GTF2IRD1: variants seen among roughly 807,000 people sequenced by gnomAD.
The protein encoded by GTF2IRD1 is general transcription factor II-I repeat domain-containing protein 1.
A neutral mutation model predicts 113.2 loss-of-function variants in GTF2IRD1; 26 were observed. The ratio of observed to expected loss-of-function variants is 0.23; its 90% CI spans 0.17 to 0.32. GTF2IRD1 has a LOEUF of 0.32. GTF2IRD1 is among the 10% of genes least tolerant of loss of function. GTF2IRD1 has a pLI of 1.00. For synonymous variants in GTF2IRD1, 484 were observed against 529.1 expected, an observed-to-expected ratio of 0.91 and a Z score of 1.17; for missense variants, 864 against 1,280.8, an observed-to-expected ratio of 0.67 and a Z score of 4.97.
chr7:74,464,188 AG>A (rs1793569500), intron 1 of GTF2IRD1, among the ~76,000 whole-genome samples: 1 of 152,212 alleles, frequency 6.6e-6, no homozygotes. Flanking sequence ...TACGGACTCC[AG>A]CCTGTCACTT....
At chr7:74,597,597 C>G (rs1226861045) in intron 25 of GTF2IRD1, among the ~76,000 whole-genome samples, 1 of 150,812 alleles carries the variant, frequency 6.6e-6, no homozygotes, top group African/African-American at 2.4e-5. Context: ...TCTTCCCACC[C>G]CAGCATCCCA....
At chr7:74,561,049 G>T (rs1407848360) in intron 22 of GTF2IRD1, among the ~76,000 whole-genome samples, 1 of 152,078 alleles carries the variant, frequency 6.6e-6, no homozygotes, top group Non-Finnish European at 1.5e-5. Context: ...CTAAGGGCTG[G>T]CCAGAGCCTC....
At chr7:74,576,054 G>A (rs587765235) in intron 22 of GTF2IRD1, among the ~76,000 whole-genome samples, 5 of 152,120 alleles carry the variant, frequency 3.3e-5, no homozygotes, top group African/African-American at 1.2e-4. Context: ...CCAGCTACTA[G>A]GGAGGCTGAG....
At chr7:74,589,270 C>T (rs1801910852) in intron 22 of GTF2IRD1, among the ~76,000 whole-genome samples, 1 of 151,880 alleles carries the variant, frequency 6.6e-6, no homozygotes. Flanking sequence ...GTGGGAGGAT[C>T]ACTTGAGCCT....
intron 6 of GTF2IRD1, among the ~76,000 whole-genome samples, chr7:74,520,271 GGGAAGTAGGTCCT>G (rs1237076167): frequency 2.6e-5 from 4 of 151,936 alleles, no homozygotes; most frequent in Admixed American, 6.6e-5. Context: ...AGGGCACTGG[GGGAAGTAGGTCCT>G]GGAAGTAGGT....
At chr7:74,503,131 CACT>C (rs2129904043) in intron 1 of GTF2IRD1, among the ~76,000 whole-genome samples, 2 of 150,746 alleles carry the variant, frequency 1.3e-5, no homozygotes, top group East Asian at 4.0e-4. Context: ...CATGCCACTG[CACT>C]CCAGTCTGGG....
chr7:74,576,921 C>T (rs182726464), intron 22 of GTF2IRD1, among the ~76,000 whole-genome samples: 4 of 151,990 alleles, frequency 2.6e-5, no homozygotes, highest in African/African-American at 2.4e-5. Flanking sequence ...GAGCACGGCC[C>T]CCTGTTTTAA....
At chr7:74,577,693 C>T (rs1554364950) in intron 22 of GTF2IRD1, among the ~76,000 whole-genome samples, 5 of 151,758 alleles carry the variant, frequency 3.3e-5, no homozygotes, top group Non-Finnish European at 1.5e-5. Flanking sequence ...TCCCTCTTGC[C>T]CAGGCAGGAG....
At position 74,522,314 on chromosome 7, in the gene GTF2IRD1, T is replaced by C. The variant is rs1025204659; in HGVS notation, c.1006+1017T>C. 7.1e-4 allele frequency among the ~76,000 whole-genome samples: 108 copies of C among 151,708 alleles called. 1 individual carries two copies. Among genetic ancestry groups the C allele is most frequent in the African/African-American group, 2.5e-3 (104 of 41,270 alleles). ...GGCCTGAGTGTAGGAAAGTTTGGGA[T>C]TCAGTTATACCAAGAAGGAATGCAG... On this transcript the variant is annotated intron_variant, in intron 7 of 26. Transcript: ENST00000424337.
chr7:74,501,690 C>T (rs1796041612), intron 1 of GTF2IRD1, among the ~76,000 whole-genome samples: 1 of 152,114 alleles, frequency 6.6e-6, no homozygotes, highest in Admixed American at 6.6e-5. Context: ...CTCACTCTGT[C>T]ACCCACACTG....
intron 1 of GTF2IRD1, chr7:74,506,170 C>T (rs1796287852): frequency 6.6e-6 from 1 of 152,230 alleles, no homozygotes; most frequent in Non-Finnish European, 1.5e-5. Flanking sequence ...CACCTCTGGC[C>T]TTGTGAAGTG....
chr7:74,457,244 CCT>C (rs1793046162), intron 1 of GTF2IRD1, among the ~76,000 whole-genome samples: 1 of 152,126 alleles, frequency 6.6e-6, no homozygotes, highest in Admixed American at 6.5e-5. Flanking sequence ...CCCACCTTGG[CCT>C]CTCAAAGTGC....
rs35760074 is a variant in GTF2IRD1, at chr7:74,508,690, T to TAAAAAAAAA, written c.123+498_123+506dup. On this transcript the variant is annotated intron_variant, in intron 2 of 26. Coordinates refer to ENST00000424337, the MANE Select transcript of GTF2IRD1 (RefSeq NM_005685.4). ...TGGGTGACAGGGCAAGACTCCGTCT[T>TAAAAAAAAA]AAAAAAAAAAAAAAAAAAATCTAGC... Among the ~76,000 whole-genome samples the TAAAAAAAAA allele has an allele frequency of 2.7e-3, 355 of 132,012 alleles. 1 individual carries two copies. The highest frequency in any genetic ancestry group is 8.8e-3 in the African/African-American group (316 of 35,812). The allele number at this position is 132,012 out of a possible 152,430, so 86.6% of individuals were successfully genotyped here.
In GTF2IRD1 at chr7:74,529,617, G is replaced by A. The variant is rs111826877; in HGVS notation, c.1091-117G>A. 1.3e-4 allele frequency: 95 copies of A among 750,278 alleles called. 1 individual carries two copies. The highest frequency in any genetic ancestry group is 1.1e-3 in the African/African-American group (64 of 56,930). The allele number at this position is 750,278 out of a possible 1,614,324, so 46.5% of individuals were successfully genotyped here. A position where few individuals can be genotyped will look rare whatever the true frequency, so the allele number is the denominator to read the frequency against. The stretch of plus-strand genomic sequence containing the variant: ...ACATTTCTGCAGGATCCCTCTGGCC[G>A]CTACATGGCCAGAGTGGAGTGGGGA... On this transcript the variant is annotated intron_variant, in intron 8 of 26. Coordinates refer to ENST00000424337, the MANE Select transcript of GTF2IRD1 (RefSeq NM_005685.4).
chr7:74,534,779 T>TG (rs1233378463), intron 9 of GTF2IRD1, among the ~76,000 whole-genome samples: 2 of 152,000 alleles, frequency 1.3e-5, no homozygotes, highest in African/African-American at 4.8e-5. Context: ...GGTGCACGTC[T>TG]GTAGTCCCAG....
At chr7:74,520,842 CTATTATTATTATTATTATTAT>C (rs200488760) in intron 6 of GTF2IRD1, among the ~76,000 whole-genome samples, 173 of 129,086 alleles carry the variant, frequency 1.3e-3, no homozygotes, top group African/African-American at 4.8e-3. Flanking sequence ...GTTATATATA[CTATTATTATTATTATTATTAT>C]TATTATTATT....
Position 74,512,775 on chromosome 7 carries a change from G to A in GTF2IRD1, c.124-55G>A. 6.4e-7 allele frequency: 1 copy of A among 1,574,220 alleles called. No individual in the cohort carries two copies. ...CATCCCACCCCCGAAGTGGATACTA[G>A]AGGTGTTCGGAGTATGGGGAGCCCT... On this transcript the variant is annotated intron_variant, in intron 2 of 26. Coordinates refer to ENST00000424337, the MANE Select transcript of GTF2IRD1 (RefSeq NM_005685.4). The surrounding 1 kb of genome is among the most constrained non-coding windows in gnomAD (Gnocchi z 4.4).
chr7:74,475,445 A>T (rs1438233517), intron 1 of GTF2IRD1, among the ~76,000 whole-genome samples: 2 of 152,158 alleles, frequency 1.3e-5, no homozygotes, highest in Non-Finnish European at 1.5e-5. Flanking sequence ...CTGAGCCTCC[A>T]CTAGACCCAG....
At chr7:74,548,780 T>C (rs1234020816) in intron 17 of GTF2IRD1, among the ~76,000 whole-genome samples, 1 of 152,134 alleles carries the variant, frequency 6.6e-6, no homozygotes, top group Non-Finnish European at 1.5e-5. Flanking sequence ...GGTGCACACC[T>C]GTAATCTCAG....
Sources: allele counts gnomAD v4.1 joint callset (sites outside exome capture counted in the v4.1 genomes callset), GRCh38; gene constraint gnomAD v4.1.1; non-coding constraint Gnocchi (gnomAD v3.1); transcripts MANE v1.5; gene names NCBI Gene and HGNC (gene_info 2026-07-23, HGNC 2026-07-21).